Variants in MSANTD2 observed in about 807,000 individuals in gnomAD.
The protein encoded by MSANTD2 is myb/SANT-like DNA-binding domain-containing protein 2.
A neutral mutation model predicts 52.6 loss-of-function variants in MSANTD2; 19 were observed. The observed-to-expected ratio is 0.36, with a 90% CI of 0.25 to 0.53. MSANTD2 has a LOEUF of 0.53. MSANTD2 is among the 20% of genes least tolerant of loss of function. MSANTD2 has a pLI of 0.91. For synonymous variants in MSANTD2, 291 were observed against 289.7 expected, an observed-to-expected ratio of 1.00 and a Z score of -0.04; for missense variants, 558 against 716.3, an observed-to-expected ratio of 0.78 and a Z score of 2.52.
In MSANTD2 at chr11:124,800,356, G is replaced by C. The variant is rs765577907; in HGVS notation, c.25C>G (p.Leu9Val). The C allele has an allele frequency of 1.3e-6, 2 of 1,542,208 alleles. No individual in the cohort carries two copies. Among genetic ancestry groups the C allele is most frequent in the Non-Finnish European group, 1.7e-6 (2 of 1,146,058 alleles). ...ATTTTTAGCGGCGAGTTGGCGGGCA[G>C]CTCCGAGCCACAGGGCGCAGCCATC... is the stretch of plus-strand genomic sequence containing the variant. MAAPCGSE[L>V]PANSPLKIPK... is the part of the protein sequence containing the mutation. Residue 9 changes from leucine (L) to valine (V), a missense_variant, in exon 1 of 4, where the codon CTG becomes GTG. Physicochemically the swap from Leu to Val is conservative, Grantham distance 32. This residue lies in a region of MSANTD2 where 150 missense variants were observed against 142.7 expected (regional missense o/e 1.05). Transcript: ENST00000374979. This position sits in a 1 kb window ranked among gnomAD's most constrained non-coding sequence, Gnocchi z 4.3.
chr11:124,784,466 C>G (rs1300667773), intron 1 of MSANTD2: 1 of 948,936 alleles, frequency 1.1e-6, no homozygotes, highest in Admixed American at 8.7e-5. Flanking sequence ...CATGGACAAC[C>G]ATGTCTAAAA....
chr11:124,774,813 C>T lies in MSANTD2; in HGVS notation c.672G>A (p.Leu224=), dbSNP rs756013672. 6.2e-7 allele frequency: 1 copy of T among 1,614,176 alleles called. No individual in the cohort carries two copies. The highest frequency in any genetic ancestry group is 1.1e-5 in the South Asian group (1 of 91,080). Reference sequence around the variant, plus strand: ...CCTCCATAGTGCTGCCATCTGACTCCAGCTCCTGGTACAAGCCACTACTGT... The same window carrying T: ...CCTCCATAGTGCTGCCATCTGACTCTAGCTCCTGGTACAAGCCACTACTGT... ...LINSSGLYQE[L]ESDGSTMEDY... The change falls in exon 2 of 4, where the codon CTG becomes CTA. Residue 224 remains leucine, a synonymous_variant. Transcript: ENST00000374979. The surrounding 1 kb of genome is among the most constrained non-coding windows in gnomAD (Gnocchi z 5.1).
In MSANTD2 at chr11:124,772,742, CAAAAAA is replaced by C. The variant is rs57859579; in HGVS notation, c.827+246_827+251del. Among the ~76,000 whole-genome samples the C allele has an allele frequency of 1.6e-3, 91 of 57,924 alleles. 1 individual carries two copies. Among genetic ancestry groups the C allele is most frequent in the African/African-American group, 3.7e-3 (86 of 23,556 alleles). The allele number at this position is 57,924 out of a possible 152,430, so 38.0% of individuals were successfully genotyped here. On this transcript the variant is annotated intron_variant, in intron 3 of 3. Coordinates refer to ENST00000374979, the MANE Select transcript of MSANTD2 (RefSeq NM_001308027.2). ...ACAGAGCGAGAGCGAGATTCCGTCTCAAAAAAAAAAAAAAAAAAAAAAAAAAAAGAA... is the reference window on the plus strand; with the variant it reads ...ACAGAGCGAGAGCGAGATTCCGTCTCAAAAAAAAAAAAAAAAAAAAAAGAA...
At chr11:124,784,012 G>T (rs1405530181) in intron 1 of MSANTD2, 1 of 985,174 alleles carries the variant, frequency 1.0e-6, no homozygotes, top group African/African-American at 1.7e-5. Context: ...GAATTCTCAA[G>T]TGCTTTTCTA....
chr11:124,787,523 G>A (rs1316150013), intron 1 of MSANTD2, among the ~76,000 whole-genome samples: 1 of 152,132 alleles, frequency 6.6e-6, no homozygotes, highest in Non-Finnish European at 1.5e-5. Context: ...TGGGACTATA[G>A]GTGTGCACCA....
intron 1 of MSANTD2, chr11:124,791,649 C>T (rs1242483461): frequency 1.4e-6 from 2 of 1,463,904 alleles, no homozygotes; most frequent in Non-Finnish European, 1.9e-6. Context: ...ACTTTCTTTG[C>T]ACCAGCATTT....
At position 124,800,174 on chromosome 11, in the gene MSANTD2, C is replaced by A; in HGVS notation, c.207G>T (p.Gly69=). The A allele has an allele frequency of 6.8e-7, 1 of 1,471,248 alleles. No individual in the cohort carries two copies. Among genetic ancestry groups the A allele is most frequent in the South Asian group, 1.3e-5 (1 of 75,518 alleles). The allele number at this position is 1,471,248 out of a possible 1,614,324, so 91.1% of individuals were successfully genotyped here. ...ACGAGGCGGCGCTGCGGCCCCCCAG[C>A]CCCAGCCCGAGACCCCCGGACGCCG... is the stretch of plus-strand genomic sequence containing the variant. ...GAAASGGLGL[G]LGGRSAASSS... is the part of the protein sequence containing the mutation. The change falls in exon 1 of 4, where the codon GGG becomes GGT. Residue 69 remains glycine, a synonymous_variant. Transcript: ENST00000374979. The surrounding 1 kb of genome is among the most constrained non-coding windows in gnomAD (Gnocchi z 4.3).
intron 1 of MSANTD2, among the ~76,000 whole-genome samples, chr11:124,782,743 C>G (rs903878758): frequency 6.6e-6 from 1 of 152,084 alleles, no homozygotes; most frequent in Non-Finnish European, 1.5e-5. Flanking sequence ...GAGGCTTATT[C>G]AAAATATATA....
chr11:124,795,036 G>A (rs572371091), intron 1 of MSANTD2, among the ~76,000 whole-genome samples: 1 of 152,086 alleles, frequency 6.6e-6, no homozygotes, highest in Non-Finnish European at 1.5e-5. Flanking sequence ...GTGCCACCAC[G>A]CCCGGCTAAT....
chr11:124,773,146 T>C, intron 2 of MSANTD2, 92 bp from the exon 3 acceptor site: 3 of 726,456 alleles, frequency 4.1e-6, no homozygotes, highest in Non-Finnish European at 4.8e-6. Context: ...GATCATTCCA[T>C]ACTTTCCAAA....
intron 1 of MSANTD2, chr11:124,790,064 AC>A (rs1194125362): frequency 6.6e-6 from 1 of 152,248 alleles, no homozygotes; most frequent in Admixed American, 6.5e-5. Context: ...TTACACAGAT[AC>A]AATTTTCCAT....
chr11:124,776,479 TAG>T (rs1167011000), intron 1 of MSANTD2, among the ~76,000 whole-genome samples: 1 of 152,212 alleles, frequency 6.6e-6, no homozygotes, highest in East Asian at 1.9e-4. Flanking sequence ...GTAATTTTAG[TAG>T]AGACGGGGTT....
At chr11:124,797,512 TAAAAC>T (rs989868687) in intron 1 of MSANTD2, among the ~76,000 whole-genome samples, 2 of 151,592 alleles carry the variant, frequency 1.3e-5, no homozygotes, top group African/African-American at 4.9e-5. Context: ...AAAATAAACA[TAAAAC>T]AAATTAAAAA....
intron 1 of MSANTD2, among the ~76,000 whole-genome samples, chr11:124,781,661 T>C (rs1355765009): frequency 4.0e-5 from 6 of 151,472 alleles, no homozygotes; most frequent in Non-Finnish European, 7.4e-5. Context: ...TCTTTTTTTT[T>C]TTTTTTTTTG....
chr11:124,773,175 T>A (rs2135235862), intron 2 of MSANTD2, 121 bp from the exon 3 acceptor site: 1 of 616,260 alleles, frequency 1.6e-6, no homozygotes, highest in South Asian at 2.0e-5. Context: ...TTTATTCTAG[T>A]GTCAAACACT....
chr11:124,781,110 G>C (rs1407904744), intron 1 of MSANTD2, among the ~76,000 whole-genome samples: 1 of 151,390 alleles, frequency 6.6e-6, no homozygotes, highest in Non-Finnish European at 1.5e-5. Context: ...TTGAACCTGA[G>C]AGGTGGAGGT....
At chr11:124,771,185 A>G (rs1456186291) in intron 3 of MSANTD2, among the ~76,000 whole-genome samples, 3 of 152,202 alleles carry the variant, frequency 2.0e-5, no homozygotes, top group Admixed American at 6.5e-5. Context: ...ACTTTTTACA[A>G]CATTAATCAG....
intron 1 of MSANTD2, among the ~76,000 whole-genome samples, chr11:124,778,325 AAT>A (rs958163462): frequency 3.3e-5 from 5 of 152,292 alleles, no homozygotes; most frequent in Admixed American, 6.5e-5. Flanking sequence ...ACTTAAGCTT[AAT>A]AGTTTCTAAA....
At chr11:124,790,761 G>C (rs915593884) in intron 1 of MSANTD2, 2 of 157,754 alleles carry the variant, frequency 1.3e-5, no homozygotes, top group African/African-American at 4.8e-5. Context: ...CTGACCTCTT[G>C]TTTAAGTCTC....
Sources: allele counts gnomAD v4.1 joint callset (sites outside exome capture counted in the v4.1 genomes callset), GRCh38; gene constraint gnomAD v4.1.1; regional missense constraint gnomAD v4.1.1; non-coding constraint Gnocchi (gnomAD v3.1); transcripts MANE v1.5; gene names NCBI Gene and HGNC (gene_info 2026-07-23, HGNC 2026-07-21).